The following MSRB3 variants were observed in gnomAD, a reference collection of about 807,000 sequenced individuals.
MSRB3 encodes methionine-R-sulfoxide reductase B3.
MSRB3 carries 13 observed loss-of-function variants against 21.0 expected under a neutral mutation model. The observed-to-expected ratio is 0.62, with a 90% CI of 0.40 to 0.98. The LOEUF is 0.98. Ranked by LOEUF, MSRB3 falls within the 50% of genes least tolerant of loss-of-function variation. The pLI is 0.00. For synonymous variants in MSRB3, 87 were observed against 88.6 expected, an observed-to-expected ratio of 0.98 and a Z score of 0.10; for missense variants, 199 against 230.3, an observed-to-expected ratio of 0.86 and a Z score of 0.88.
At chr12:65,325,646 G>A (rs1022774635) in intron 2 of MSRB3, among the ~76,000 whole-genome samples, 2 of 152,088 alleles carry the variant, frequency 1.3e-5, no homozygotes, top group Admixed American at 6.6e-5. Flanking sequence ...AAAACGGGAA[G>A]CATTTCCACT....
At chr12:65,338,394 T>C (rs1428044920) in intron 4 of MSRB3, among the ~76,000 whole-genome samples, 1 of 152,188 alleles carries the variant, frequency 6.6e-6, no homozygotes, top group Non-Finnish European at 1.5e-5. Flanking sequence ...ATTTTGAATA[T>C]TTATTATCTT....
intron 2 of MSRB3, among the ~76,000 whole-genome samples, chr12:65,320,008 A>G (rs753482371): frequency 1.6e-4 from 25 of 152,176 alleles, no homozygotes; most frequent in Non-Finnish European, 3.5e-4. Flanking sequence ...ACTAAAACAT[A>G]TGGTCTTGTT....
rs1157324879 is a variant in MSRB3 at position 65,453,782 on chromosome 12, A to G, written c.347A>G (p.Asp116Gly). Residue 116 changes from aspartate to glycine, a missense_variant, in exon 6 of 7, where the codon GAC becomes GGC. Physicochemically the swap from Asp to Gly is moderately conservative, Grantham distance 94. Transcript: ENST00000308259. ...INSEAITFTD[D>G]FSYGMHRVET... ...TCTGAGGCAATCACATTCACAGATG[A>G]CTTTTCCTATGGGATGCACAGGGTG... 6.2e-7 allele frequency: 1 copy of G among 1,614,084 alleles called. No homozygotes were observed. The highest frequency in any genetic ancestry group is 8.5e-7 in the Non-Finnish European group (1 of 1,180,014).
chr12:65,446,528 A>G (rs565624854), intron 5 of MSRB3, among the ~76,000 whole-genome samples: 2 of 150,532 alleles, frequency 1.3e-5, no homozygotes, highest in East Asian at 3.9e-4. Flanking sequence ...GCAGTTTATT[A>G]AAAAAAAAAT....
At chr12:65,402,908 T>C (rs977434917) in intron 5 of MSRB3, among the ~76,000 whole-genome samples, 2 of 152,196 alleles carry the variant, frequency 1.3e-5, no homozygotes, top group African/African-American at 2.4e-5. Flanking sequence ...CTCCAGACCC[T>C]GTTTGCTTGG....
intron 5 of MSRB3, among the ~76,000 whole-genome samples, chr12:65,425,647 ATC>A (rs1881562500): frequency 6.6e-6 from 1 of 151,896 alleles, no homozygotes; most frequent in African/African-American, 2.4e-5. Flanking sequence ...TGCCTCACCC[ATC>A]TCTCTCACAT....
intron 1 of MSRB3, among the ~76,000 whole-genome samples, chr12:65,283,452 A>T (rs1217924796): frequency 4.0e-5 from 6 of 148,446 alleles, no homozygotes; most frequent in African/African-American, 1.2e-4. Context: ...TTTTTTTGAG[A>T]TAGGATCTCA....
intron 5 of MSRB3, among the ~76,000 whole-genome samples, chr12:65,370,323 A>G (rs1878248043): frequency 6.6e-6 from 1 of 152,200 alleles, no homozygotes; most frequent in African/African-American, 2.4e-5. Flanking sequence ...AAATGAATAA[A>G]GTTGATGGAG....
chr12:65,285,332 A>T (rs561002536), intron 1 of MSRB3: 1 of 152,338 alleles, frequency 6.6e-6, no homozygotes, highest in South Asian at 2.1e-4. Context: ...TGGCCGTGGT[A>T]GCCTGGAGCA....
At chr12:65,332,052 A>T (rs1431157439) in intron 4 of MSRB3, among the ~76,000 whole-genome samples, 3 of 152,178 alleles carry the variant, frequency 2.0e-5, no homozygotes, top group African/African-American at 7.2e-5. Flanking sequence ...GCTGACAAAG[A>T]AAGAAGTATT....
intron 1 of MSRB3, among the ~76,000 whole-genome samples, chr12:65,295,494 C>G (rs1166492012): frequency 6.7e-6 from 1 of 150,110 alleles, no homozygotes; most frequent in Non-Finnish European, 1.5e-5. Flanking sequence ...ATTTAACTAT[C>G]CTTAAGGATA....
intron 5 of MSRB3, among the ~76,000 whole-genome samples, chr12:65,389,765 C>T (rs182374940): frequency 5.1e-4 from 77 of 152,270 alleles, no homozygotes; most frequent in African/African-American, 1.8e-3. Flanking sequence ...GCTAAATTCC[C>T]CGGAAAAATC....
intron 5 of MSRB3, among the ~76,000 whole-genome samples, chr12:65,449,297 A>G (rs973026708): frequency 1.3e-5 from 2 of 151,316 alleles, no homozygotes; most frequent in African/African-American, 4.9e-5. Flanking sequence ...CAGAGTGAAT[A>G]TTAAATAATT....
intron 2 of MSRB3, among the ~76,000 whole-genome samples, chr12:65,320,382 G>A (rs1874586544): frequency 6.6e-6 from 1 of 152,092 alleles, no homozygotes; most frequent in African/African-American, 2.4e-5. Context: ...AAATAGAACA[G>A]GTACTAATTT....
At chr12:65,326,720 G>T (rs1875055962) in intron 2 of MSRB3, 106 bp from the exon 3 acceptor site, 1 of 790,528 alleles carries the variant, frequency 1.3e-6, no homozygotes. Flanking sequence ...GACTGGTCTG[G>T]TCATTGACAA....
intron 6 of MSRB3, among the ~76,000 whole-genome samples, chr12:65,458,155 C>T (rs1883174154): frequency 6.6e-6 from 1 of 152,178 alleles, no homozygotes; most frequent in Non-Finnish European, 1.5e-5. Flanking sequence ...CCTTCATGGA[C>T]AAAACCTGAA....
chr12:65,418,058 C>G (rs1482249277), intron 5 of MSRB3, among the ~76,000 whole-genome samples: 3 of 152,274 alleles, frequency 2.0e-5, no homozygotes, highest in Middle Eastern at 3.4e-3. Context: ...AATGGCTGTG[C>G]TAATTTACAT....
At chr12:65,333,219 G>C (rs1051021676) in intron 4 of MSRB3, among the ~76,000 whole-genome samples, 3 of 152,052 alleles carry the variant, frequency 2.0e-5, no homozygotes, top group African/African-American at 7.2e-5. Flanking sequence ...TTTCCTCAAC[G>C]TACTTACTTT....
At chr12:65,421,007 G>C (rs1336290614) in intron 5 of MSRB3, among the ~76,000 whole-genome samples, 1 of 151,720 alleles carries the variant, frequency 6.6e-6, no homozygotes, top group African/African-American at 2.4e-5. Context: ...GGGTGTAATG[G>C]TAGTTCCACT....
Sources: allele counts gnomAD v4.1 joint callset (sites outside exome capture counted in the v4.1 genomes callset), GRCh38; gene constraint gnomAD v4.1.1; transcripts MANE v1.5; gene names NCBI Gene and HGNC (gene_info 2026-07-23, HGNC 2026-07-21).